The following ME2 variants were observed in gnomAD, a reference collection of about 807,000 sequenced individuals.
ME2 encodes NAD-dependent malic enzyme, mitochondrial.
Under a neutral mutation model 73.7 loss-of-function variants are expected in ME2, and 60 were observed. The observed-to-expected ratio is 0.81, with a 90% CI of 0.66 to 1.01. The LOEUF is 1.01. ME2 is among the 50% of genes least tolerant of loss of function. The probability of loss-of-function intolerance (pLI) is 0.00; values close to 1 mark genes in which losing one functional copy is unlikely to be tolerated. For synonymous variants in ME2, 199 were observed against 236.9 expected (o/e 0.84, Z 1.47); for missense variants, 594 against 705.5 (o/e 0.84, Z 1.79).
chr18:50,946,963 C>A, intron 15 of ME2, 54 bp from the exon 16 acceptor site: 1 of 1,281,610 alleles, frequency 7.8e-7, no homozygotes, highest in Non-Finnish European at 1.1e-6. Context: ...AGTACGTTGT[C>A]TCTCTAATAG....
At chr18:50,897,306 T>C (rs567846108) in intron 2 of ME2, among the ~76,000 whole-genome samples, 2 of 152,230 alleles carry the variant, frequency 1.3e-5, no homozygotes, top group African/African-American at 4.8e-5. Flanking sequence ...TTTATACTTA[T>C]GGAAATAATT....
At chr18:50,904,484 A>G (rs1430817259) in intron 2 of ME2, among the ~76,000 whole-genome samples, 1 of 151,856 alleles carries the variant, frequency 6.6e-6, no homozygotes, top group Non-Finnish European at 1.5e-5. Flanking sequence ...GGGTTTCACC[A>G]TATTGGCCAG....
rs57428974 is a variant in ME2, at chr18:50,941,353, C to CTTTTTTTTTTTTTTTTTTTTTTTTTTT, written c.1587+972_1587+998dup. 6.3e-5 allele frequency among the ~76,000 whole-genome samples: 4 copies of CTTTTTTTTTTTTTTTTTTTTTTTTTTT among 63,820 alleles called. 1 individual carries two copies. The highest frequency in any genetic ancestry group is 2.6e-4 in the Admixed American group (1 of 3,780). The allele number at this position is 63,820 out of a possible 152,430, so 41.9% of individuals were successfully genotyped here. ...TCTTTGTGTGTATTTGTGATGGTTT[C>CTTTTTTTTTTTTTTTTTTTTTTTTTTT]TTTTTTTTTTTTTTTTTTTTTTTTT... On this transcript the variant is annotated intron_variant, in intron 15 of 15. Transcript: ENST00000321341.
intron 13 of ME2, among the ~76,000 whole-genome samples, chr18:50,936,564 TA>T (rs780432074): frequency 6.6e-6 from 1 of 152,162 alleles, no homozygotes; most frequent in Non-Finnish European, 1.5e-5. Flanking sequence ...ACAACAACAA[TA>T]GCTCCGTTAA....
intron 11 of ME2, among the ~76,000 whole-genome samples, chr18:50,924,767 C>G (rs1917507171): frequency 6.6e-6 from 1 of 151,484 alleles, no homozygotes; most frequent in Non-Finnish European, 1.5e-5. Context: ...CTGCAACTTC[C>G]ACCTCCCGGG....
intron 1 of ME2, among the ~76,000 whole-genome samples, chr18:50,891,618 G>A (rs921919551): frequency 3.9e-5 from 6 of 152,068 alleles, no homozygotes; most frequent in Non-Finnish European, 7.4e-5. Context: ...AAATGGCACA[G>A]AATTGGTTCC....
chr18:50,942,995 T>A (rs1344192370), intron 15 of ME2, among the ~76,000 whole-genome samples: 1 of 152,004 alleles, frequency 6.6e-6, no homozygotes, highest in Non-Finnish European at 1.5e-5. Context: ...AGAGACAGAG[T>A]CTATGTTGCC....
At chr18:50,917,988 T>G in intron 6 of ME2, 122 bp from the exon 7 acceptor site, 1 of 549,508 alleles carries the variant, frequency 1.8e-6, no homozygotes. Context: ...AAAAATAAAG[T>G]TTCTTGTAGG....
chr18:50,910,898 A>G (rs1917141901), intron 3 of ME2, among the ~76,000 whole-genome samples: 2 of 152,212 alleles, frequency 1.3e-5, no homozygotes, highest in African/African-American at 2.4e-5. Flanking sequence ...AAGGGAGCCC[A>G]TAGAATTGGA....
At position 50,920,523 on chromosome 18, in the gene ME2, A is replaced by G. The variant is rs753218190; in HGVS notation, c.802A>G (p.Lys268Glu). 7.5e-6 allele frequency: 12 copies of G among 1,600,280 alleles called. No individual in the cohort carries two copies. The highest frequency in any genetic ancestry group is 1.0e-5 in the Non-Finnish European group (12 of 1,176,902). Residue 268 changes from lysine (K) to glutamate (E), a missense_variant, in exon 8 of 16, where the codon AAG becomes GAG. Coordinates refer to ENST00000321341, the MANE Select transcript of ME2 (RefSeq NM_002396.5). Reference sequence around the variant, plus strand: ...TCATAATGCATTCAGGTTCTTGAGAAAGTACCGAGAAAAATATTGTACTTT... The same window carrying G: ...TCATAATGCATTCAGGTTCTTGAGAGAGTACCGAGAAAAATATTGTACTTT... ...GNHNAFRFLRKYREKYCTFND... is the reference protein window; with the variant it reads ...GNHNAFRFLREYREKYCTFND...
Position 50,912,563 on chromosome 18 carries a change from T to C in ME2, c.243-238T>C, listed in dbSNP as rs1014306668. ...CCCACAGTTAGGGTTCAGTAAACAT[T>C]GTTTCTATTGTTATTTCATCGTCAT... On this transcript the variant is annotated intron_variant, in intron 3 of 15. Transcript: ENST00000321341. 1.1e-4 allele frequency among the ~76,000 whole-genome samples: 16 copies of C among 152,314 alleles called. No individual in the cohort carries two copies. In the East Asian group the frequency reaches 2.9e-3, roughly 28 times the overall value.
At chr18:50,929,087 A>G (rs916195697) in intron 12 of ME2, among the ~76,000 whole-genome samples, 2 of 152,024 alleles carry the variant, frequency 1.3e-5, no homozygotes, top group Admixed American at 1.3e-4. Flanking sequence ...GAAACAACCC[A>G]GAAAATCATT....
At position 50,949,309 on chromosome 18, in the gene ME2, A is replaced by T. The variant is rs1918166972; in HGVS notation, c.*2125A>T. The stretch of plus-strand genomic sequence containing the variant: ...ATTCCTTTCTTTTAATTAAAGACAA[A>T]AGGTTTATGGGTTTTGGTTTGTTTG... On this transcript the variant is annotated 3_prime_UTR_variant, in exon 16 of 16. Coordinates refer to ENST00000321341, the MANE Select transcript of ME2 (RefSeq NM_002396.5). 6.6e-6 allele frequency: 1 copy of T among 152,186 alleles called. No individual in the cohort carries two copies. Among genetic ancestry groups the T allele is most frequent in the East Asian group, 1.9e-4 (1 of 5,186 alleles). The allele number at this position is 152,186 out of a possible 1,614,324, so 9.4% of individuals were successfully genotyped here.
chr18:50,908,698 T>C (rs1917073537), intron 3 of ME2, among the ~76,000 whole-genome samples: 1 of 152,176 alleles, frequency 6.6e-6, no homozygotes, highest in African/African-American at 2.4e-5. Flanking sequence ...TGGAGTGCAG[T>C]GGTGCGATCT....
At chr18:50,944,767 C>T (rs748671149) in intron 15 of ME2, among the ~76,000 whole-genome samples, 1 of 152,150 alleles carries the variant, frequency 6.6e-6, no homozygotes, top group Admixed American at 6.5e-5. Flanking sequence ...GCCTCATTCT[C>T]CCTCCCATGC....
At chr18:50,934,267 T>G (rs1407446825) in intron 13 of ME2, 1 of 152,212 alleles carries the variant, frequency 6.6e-6, no homozygotes, top group Non-Finnish European at 1.5e-5. Flanking sequence ...ATCTGAGTAT[T>G]AAGGAATTTA....
At chr18:50,898,447 T>C (rs1916805548) in intron 2 of ME2, among the ~76,000 whole-genome samples, 1 of 152,220 alleles carries the variant, frequency 6.6e-6, no homozygotes, top group African/African-American at 2.4e-5. Flanking sequence ...TTTTATTTTT[T>C]TGAGACAGGT....
intron 2 of ME2, among the ~76,000 whole-genome samples, chr18:50,899,323 T>C (rs1461170180): frequency 6.6e-6 from 1 of 151,876 alleles, no homozygotes; most frequent in East Asian, 1.9e-4. Context: ...AAAAGAAAAA[T>C]TGTCTTCAGC....
At chr18:50,901,496 T>C (rs1428138076) in intron 2 of ME2, among the ~76,000 whole-genome samples, 1 of 152,062 alleles carries the variant, frequency 6.6e-6, no homozygotes, top group Non-Finnish European at 1.5e-5. Flanking sequence ...GATGAGAAAA[T>C]ATATAACAAA....
Sources: allele counts gnomAD v4.1 joint callset (sites outside exome capture counted in the v4.1 genomes callset), GRCh38; gene constraint gnomAD v4.1.1; transcripts MANE v1.5; gene names NCBI Gene and HGNC (gene_info 2026-07-23, HGNC 2026-07-21).